Variants in MINDY2 observed in about 807,000 individuals in gnomAD.
The protein encoded by MINDY2 is ubiquitin carboxyl-terminal hydrolase MINDY-2.
Under a neutral mutation model 68.2 loss-of-function variants are expected in MINDY2, and 52 were observed. The observed-to-expected ratio is 0.76, with a 90% confidence interval of 0.61 to 0.96. MINDY2 has a LOEUF of 0.96. MINDY2 is among the 40% of genes least tolerant of loss of function. MINDY2 has a pLI of 0.00. For missense variants in MINDY2, 881 were observed against 773.4 expected, an observed-to-expected ratio of 1.14 and a Z score of -1.65; for synonymous variants, 372 against 303.0, an observed-to-expected ratio of 1.23 and a Z score of -2.36.
chr15:58,800,696 T>A (rs1902582179), intron 2 of MINDY2, among the ~76,000 whole-genome samples: 1 of 149,998 alleles, frequency 6.7e-6, no homozygotes, highest in South Asian at 2.1e-4. Context: ...TAGCCAGGTG[T>A]GGTGGTGCGT....
chr15:58,771,899 G>A lies in MINDY2; in HGVS notation c.504G>A (p.Gly168=). The A allele has an allele frequency of 6.4e-7, 1 of 1,564,052 alleles. No homozygotes were observed. The highest frequency in any genetic ancestry group is 8.6e-7 in the Non-Finnish European group (1 of 1,157,114). ...SSSCSDPSPP[G]ESPSLDSLES... is the part of the protein sequence containing the mutation. ...GTTGCAGCGACCCGAGCCCTCCTGG[G>A]GAATCTCCGAGCCTGGACTCTCTGG... The change falls in exon 1 of 9, where the codon GGG becomes GGA. Residue 168 remains glycine (G), a synonymous_variant. Coordinates refer to ENST00000559228, the MANE Select transcript of MINDY2 (RefSeq NM_001040450.3).
chr15:58,782,441 G>A (rs977057935), intron 1 of MINDY2, among the ~76,000 whole-genome samples: 4 of 152,170 alleles, frequency 2.6e-5, no homozygotes, highest in Non-Finnish European at 5.9e-5. Context: ...AACTAAAAAT[G>A]TCACAGTTCC....
intron 5 of MINDY2, among the ~76,000 whole-genome samples, chr15:58,825,719 C>T (rs559314265): frequency 1.2e-3 from 182 of 152,286 alleles, no homozygotes; most frequent in African/African-American, 4.2e-3. Flanking sequence ...AATTCTTCTG[C>T]CTTAGCCTCC....
At position 58,825,375 on chromosome 15, in the gene MINDY2, C is replaced by A. The variant is rs74021012; in HGVS notation, c.1225+3556C>A. On this transcript the variant is annotated intron_variant, in intron 5 of 8. Coordinates refer to ENST00000559228, the MANE Select transcript of MINDY2 (RefSeq NM_001040450.3). ...TGTAGAATACACTGCTTTCGGGTGT[C>A]GATACCTTTTTTATTTTCTACTTCT... Among the ~76,000 whole-genome samples, 893 of 152,126 alleles carry A rather than the reference C, an allele frequency of 5.9e-3. 9 individuals are homozygous for A. Among genetic ancestry groups the A allele is most frequent in the African/African-American group, 0.021 (851 of 41,500 alleles).
chr15:58,854,558 G>T lies in MINDY2; in HGVS notation c.1814G>T (p.Arg605Leu). The change falls in exon 9 of 9, where the codon CGA (arginine) becomes CTA (leucine). Residue 605 changes from arginine to leucine, a missense_variant. Coordinates refer to ENST00000559228, the MANE Select transcript of MINDY2 (RefSeq NM_001040450.3). ...AGTGAACGTAAACGGAAGGAACCAC[G>T]AGAAAAAGATAAAGAAAAAGAAAAG... is the stretch of plus-strand genomic sequence containing the variant. ...GNSERKRKEP[R>L]EKDKEKEKEK... 1 of 1,613,372 alleles carries T rather than the reference G, an allele frequency of 6.2e-7. No individual in the cohort carries two copies. The highest frequency in any genetic ancestry group is 1.1e-5 in the South Asian group (1 of 91,008).
At chr15:58,820,054 T>G (rs1216112234) in intron 4 of MINDY2, among the ~76,000 whole-genome samples, 1 of 152,040 alleles carries the variant, frequency 6.6e-6, no homozygotes, top group Non-Finnish European at 1.5e-5. Flanking sequence ...GTACTTGAGG[T>G]CAGGAGTTCA....
At chr15:58,816,646 A>C (rs1038163855) in intron 4 of MINDY2, among the ~76,000 whole-genome samples, 10 of 151,972 alleles carry the variant, frequency 6.6e-5, no homozygotes, top group African/African-American at 2.4e-4. Context: ...AAAGATCACT[A>C]TACAGATAGA....
At position 58,816,845 on chromosome 15, in the gene MINDY2, C is replaced by A. The variant is rs531805786; in HGVS notation, c.1123-4872C>A. Among the ~76,000 whole-genome samples the A allele has an allele frequency of 4.6e-5, 7 of 152,206 alleles. No individual in the cohort carries two copies. The South Asian group carries it at 1.5e-3, about 32-fold the overall frequency. On this transcript the variant is annotated intron_variant, in intron 4 of 8. Transcript: ENST00000559228. ...TGGCATCCCTGTAGTCGCAGTTACT[C>A]AGGAGGCTGAGGTAGGAGAATCACT...
rs1453990211 is a variant in MINDY2, at chr15:58,807,416, C to G, written c.964-2814C>G. On this transcript the variant is annotated intron_variant, in intron 3 of 8. Transcript: ENST00000559228. ...TGTCGCCCAGGCTGGAGTGCAGTGG[C>G]GCGATCTCCACTCACTGCAAGCTCC... Among the ~76,000 whole-genome samples the G allele has an allele frequency of 3.0e-5, 4 of 134,640 alleles. No individual in the cohort carries two copies. The East Asian group carries it at 9.2e-4, about 31-fold the overall frequency. 88.3% of individuals were successfully genotyped at this position (134,640 alleles called of 152,430 possible).
At chr15:58,832,600 G>A (rs1399851216) in intron 6 of MINDY2, among the ~76,000 whole-genome samples, 1 of 150,470 alleles carries the variant, frequency 6.6e-6, no homozygotes, top group East Asian at 2.0e-4. Context: ...CGTGATTTCA[G>A]TTCACCGCAA....
chr15:58,776,710 G>C (rs1250297322), intron 1 of MINDY2, among the ~76,000 whole-genome samples: 1 of 152,070 alleles, frequency 6.6e-6, no homozygotes, highest in Non-Finnish European at 1.5e-5. Flanking sequence ...GAAAAATACA[G>C]AGACAAGGTC....
intron 6 of MINDY2, among the ~76,000 whole-genome samples, chr15:58,841,197 G>A (rs534568334): frequency 4.6e-5 from 7 of 151,208 alleles, no homozygotes; most frequent in African/African-American, 1.5e-4. Flanking sequence ...TGACCAGGCT[G>A]GTGTTGAACT....
chr15:58,821,889 C>A, intron 5 of MINDY2, 70 bp downstream of exon 5: 1 of 1,006,690 alleles, frequency 9.9e-7, no homozygotes, highest in Non-Finnish European at 1.4e-6. Context: ...AACTTAATAT[C>A]TTTCAAATTT....
chr15:58,774,691 C>G (rs1900669654), intron 1 of MINDY2, among the ~76,000 whole-genome samples: 1 of 151,998 alleles, frequency 6.6e-6, no homozygotes, highest in Middle Eastern at 3.4e-3. Context: ...GAAGAGATAA[C>G]CTGTGAACTA....
chr15:58,843,450 C>G (rs1005614473), intron 6 of MINDY2, among the ~76,000 whole-genome samples: 1 of 152,158 alleles, frequency 6.6e-6, no homozygotes, highest in Non-Finnish European at 1.5e-5. Context: ...CACACCCGAC[C>G]TAGAGATGTT....
In MINDY2 at chr15:58,787,925, T is replaced by C; in HGVS notation, c.860T>C (p.Met287Thr). Residue 287 changes from methionine (M) to threonine (T), a missense_variant, in exon 2 of 9, where the codon ATG (methionine) becomes ACG (threonine). Transcript: ENST00000559228. ...LAWKVKLPPM[M>T]EIITAEQLME... is the part of the protein sequence containing the mutation. Reference sequence around the variant, plus strand: ...TTTCAGGTGAAACTTCCACCGATGATGGAAATCATAACTGCTGAGCAGCTG... The same window carrying C: ...TTTCAGGTGAAACTTCCACCGATGACGGAAATCATAACTGCTGAGCAGCTG... The C allele has an allele frequency of 6.3e-7, 1 of 1,598,346 alleles. No homozygotes were observed. The highest frequency in any genetic ancestry group is 8.5e-7 in the Non-Finnish European group (1 of 1,173,690).
intron 3 of MINDY2, among the ~76,000 whole-genome samples, chr15:58,805,320 C>T (rs997831387): frequency 3.3e-5 from 5 of 152,100 alleles, no homozygotes; most frequent in East Asian, 3.8e-4. Context: ...TGTAATTTTA[C>T]GTGAACAGAT....
chr15:58,810,048 G>A (rs1281438212), intron 3 of MINDY2, among the ~76,000 whole-genome samples, 182 bp from the exon 4 acceptor site: 1 of 152,138 alleles, frequency 6.6e-6, no homozygotes, highest in Non-Finnish European at 1.5e-5. Context: ...TTTATTCATT[G>A]TTGTATCTTT....
chr15:58,851,148 G>GT (rs1443948364), intron 7 of MINDY2, among the ~76,000 whole-genome samples: 1 of 150,676 alleles, frequency 6.6e-6, no homozygotes, highest in Non-Finnish European at 1.5e-5. Context: ...TAATTTTTGT[G>GT]TTTTTAATAG....
Sources: gnomAD v4.1 joint callset for allele counts (sites outside exome capture counted in the v4.1 genomes callset) on GRCh38, gnomAD v4.1.1 for gene constraint, MANE v1.5 for transcripts, NCBI Gene and HGNC (gene_info 2026-07-23, HGNC 2026-07-21) for gene names.